Variants in TLL1 observed in about 807,000 individuals in gnomAD.
The protein encoded by TLL1 is tolloid like 1.
Under a neutral mutation model 128.2 loss-of-function variants are expected in TLL1, and 49 were observed. The ratio of observed to expected loss-of-function variants is 0.38; its 90% CI spans 0.30 to 0.48. TLL1 has a LOEUF of 0.48. TLL1 is among the 20% of genes least tolerant of loss of function. TLL1 has a pLI of 0.96. For synonymous variants in TLL1, 454 were observed against 418.8 expected (o/e 1.08, Z -1.03); for missense variants, 1,123 against 1,242.0 (o/e 0.90, Z 1.44).
intron 1 of TLL1, among the ~76,000 whole-genome samples, chr4:165,886,417 ATATGCCTG>A (rs1731165031): frequency 6.6e-6 from 1 of 152,190 alleles, no homozygotes; most frequent in African/African-American, 2.4e-5. Flanking sequence ...TGTTTCAGGA[ATATGCCTG>A]GGGGGTACAC....
At chr4:165,956,910 A>G (rs1480671367) in intron 1 of TLL1, among the ~76,000 whole-genome samples, 1 of 152,076 alleles carries the variant, frequency 6.6e-6, no homozygotes. Context: ...AAAACACACT[A>G]AAGTACATAG....
chr4:166,027,321 G>C (rs1738547433), intron 9 of TLL1, among the ~76,000 whole-genome samples: 1 of 152,012 alleles, frequency 6.6e-6, no homozygotes, highest in Non-Finnish European at 1.5e-5. Flanking sequence ...TATTTACCTG[G>C]AAGAACTTAA....
At chr4:165,880,971 G>A (rs1029043417) in intron 1 of TLL1, among the ~76,000 whole-genome samples, 1 of 152,190 alleles carries the variant, frequency 6.6e-6, no homozygotes, top group African/African-American at 2.4e-5. Context: ...CTTGTTAAGT[G>A]TTGGAAACCA....
chr4:166,069,543 A>C (rs1236574977), intron 16 of TLL1, among the ~76,000 whole-genome samples: 1 of 151,782 alleles, frequency 6.6e-6, no homozygotes, highest in Non-Finnish European at 1.5e-5. Context: ...AAATATATTT[A>C]AGTTTTAACA....
At chr4:165,995,274 C>A in intron 5 of TLL1, 96 bp downstream of exon 5, 1 of 996,844 alleles carries the variant, frequency 1.0e-6, no homozygotes, top group Non-Finnish European at 1.6e-6. Context: ...TTAAGATTTG[C>A]TTTGTATTTT....
chr4:166,048,460 T>C (rs1739564422), intron 12 of TLL1, among the ~76,000 whole-genome samples: 1 of 152,142 alleles, frequency 6.6e-6, no homozygotes, highest in African/African-American at 2.4e-5. Flanking sequence ...CAGGAAGTTT[T>C]CTCTCCTCTG....
At chr4:165,935,328 C>G (rs1047943563) in intron 1 of TLL1, among the ~76,000 whole-genome samples, 4 of 152,190 alleles carry the variant, frequency 2.6e-5, no homozygotes, top group Admixed American at 6.5e-5. Context: ...ACCTTAGGAA[C>G]ACACTTGGGA....
rs1308181258 is a variant in TLL1 at position 166,091,118 on chromosome 4, T to G, written c.2443-10T>G. 1 of 1,607,872 alleles carries G rather than the reference T, an allele frequency of 6.2e-7. No individual in the cohort carries two copies. Among genetic ancestry groups the G allele is most frequent in the African/African-American group, 1.3e-5 (1 of 74,574 alleles). On this transcript the variant is annotated splice_polypyrimidine_tract_variant and intron_variant, in intron 18 of 20. Transcript: ENST00000061240. ...TTTTTTAAAAAAATTATTTCTTCTT[T>G]TTAAAAAAGGCCTTTAGTGAATTTG...
intron 1 of TLL1, among the ~76,000 whole-genome samples, chr4:165,883,473 T>C (rs1196529798): frequency 6.6e-6 from 1 of 152,214 alleles, no homozygotes; most frequent in Non-Finnish European, 1.5e-5. Flanking sequence ...TGTGTGGCTT[T>C]CAGCAAGTTA....
chr4:165,916,319 A>G (rs1016299450), intron 1 of TLL1, among the ~76,000 whole-genome samples: 2 of 152,208 alleles, frequency 1.3e-5, no homozygotes, highest in African/African-American at 4.8e-5. Context: ...ACACTAATAC[A>G]GTATTTTATA....
At chr4:166,037,185 G>A (rs529753481) in intron 9 of TLL1, among the ~76,000 whole-genome samples, 1 of 152,130 alleles carries the variant, frequency 6.6e-6, no homozygotes, top group Non-Finnish European at 1.5e-5. Context: ...TCCATGTGGA[G>A]CAGACTTAAA....
At chr4:165,883,087 T>A (rs994528708) in intron 1 of TLL1, among the ~76,000 whole-genome samples, 12 of 152,152 alleles carry the variant, frequency 7.9e-5, no homozygotes, top group Non-Finnish European at 1.5e-5. Context: ...AGAACAGATC[T>A]CTGGCATATA....
intron 1 of TLL1, among the ~76,000 whole-genome samples, chr4:165,958,903 G>A (rs1207300331): frequency 1.5e-5 from 2 of 136,820 alleles, no homozygotes; most frequent in African/African-American, 2.9e-5. Flanking sequence ...GTGTAAGGAA[G>A]GGATCCAGTT....
chr4:165,893,163 G>T lies in TLL1; in HGVS notation c.169+19090G>T, dbSNP rs1269155866. ...TCCAAATTGAGTTATTATATTTCTT[G>T]ATATAGGACTACATAAAATCTTAAC... On this transcript the variant is annotated intron_variant, in intron 1 of 20. Coordinates refer to ENST00000061240, the MANE Select transcript of TLL1 (RefSeq NM_012464.5). Among the ~76,000 whole-genome samples, 3 of 152,190 alleles carry T rather than the reference G, an allele frequency of 2.0e-5. No individual in the cohort carries two copies. The East Asian group carries it at 5.8e-4, about 29-fold the overall frequency.
At chr4:166,015,074 CTAAA>C (rs1269024611) in intron 8 of TLL1, among the ~76,000 whole-genome samples, 2 of 151,844 alleles carry the variant, frequency 1.3e-5, no homozygotes, top group African/African-American at 2.4e-5. Context: ...TGTTTTGCCC[CTAAA>C]TAAAGTTTCA....
At chr4:165,895,965 G>T (rs1234733583) in intron 1 of TLL1, among the ~76,000 whole-genome samples, 2 of 152,024 alleles carry the variant, frequency 1.3e-5, no homozygotes, top group Non-Finnish European at 2.9e-5. Context: ...TTAAGTTCAG[G>T]GATACATGTG....
chr4:165,889,034 T>G (rs1731280045), intron 1 of TLL1, among the ~76,000 whole-genome samples: 1 of 152,226 alleles, frequency 6.6e-6, no homozygotes, highest in Admixed American at 6.5e-5. Context: ...TATTTCACTC[T>G]TCTGTCATCT....
chr4:166,044,592 A>G (rs1306081905), intron 12 of TLL1, among the ~76,000 whole-genome samples: 2 of 152,072 alleles, frequency 1.3e-5, no homozygotes, highest in African/African-American at 4.8e-5. Flanking sequence ...TACTTTTGGA[A>G]ACTGGTTTTG....
At chr4:165,963,948 C>A (rs1249421268) in intron 1 of TLL1, among the ~76,000 whole-genome samples, 2 of 152,132 alleles carry the variant, frequency 1.3e-5, no homozygotes, top group Non-Finnish European at 2.9e-5. Flanking sequence ...TAAACCATAT[C>A]TTTATGAGAG....
Sources: allele counts gnomAD v4.1 joint callset (sites outside exome capture counted in the v4.1 genomes callset), GRCh38; gene constraint gnomAD v4.1.1; transcripts MANE v1.5; gene names NCBI Gene and HGNC (gene_info 2026-07-23, HGNC 2026-07-21).